PCDH17: variants seen among roughly 807,000 people sequenced by gnomAD.
PCDH17 encodes the protein protocadherin-17.
In PCDH17, 21 loss-of-function variants were observed where a neutral mutation model predicts 67.7. The observed-to-expected ratio is 0.31, with a 90% CI of 0.22 to 0.45. PCDH17 has a LOEUF of 0.45. Ranked by LOEUF, PCDH17 falls within the 20% of genes least tolerant of loss-of-function variation. The probability of loss-of-function intolerance (pLI) is 1.00; values close to 1 mark genes in which losing one functional copy is unlikely to be tolerated. For synonymous variants in PCDH17, 701 were observed against 656.7 expected (o/e 1.07, Z -1.03); for missense variants, 1,471 against 1,564.8 (o/e 0.94, Z 1.01).
At chr13:57,682,431 G>T (rs1955460150) in intron 3 of PCDH17, among the ~76,000 whole-genome samples, 1 of 151,614 alleles carries the variant, frequency 6.6e-6, no homozygotes, top group African/African-American at 2.4e-5. Flanking sequence ...ATCTGCTTGC[G>T]ATGTAAATCA....
chr13:57,728,970 T>A lies in PCDH17; in HGVS notation c.*3676T>A, dbSNP rs1464352609. ...CAGGTCTGGCATAATATATGCCCAG[T>A]CATAATAGTCTAATTATATTCTTTT... On this transcript the variant is annotated 3_prime_UTR_variant, in exon 4 of 4. Coordinates refer to ENST00000377918, the MANE Select transcript of PCDH17 (RefSeq NM_001040429.3). 4.6e-5 allele frequency: 7 copies of A among 152,322 alleles called. No homozygotes were observed. The highest frequency in any genetic ancestry group is 1.7e-4 in the African/African-American group (7 of 41,446). The allele number at this position is 152,322 out of a possible 1,614,324, so 9.4% of individuals were successfully genotyped here.
intron 3 of PCDH17, among the ~76,000 whole-genome samples, chr13:57,679,678 TTTTC>T (rs1326442629): frequency 2.6e-5 from 4 of 151,584 alleles, no homozygotes; most frequent in Non-Finnish European, 5.9e-5. Context: ...TTCTGAATCA[TTTTC>T]TTTCTAATTT....
In PCDH17 at chr13:57,633,758, C is replaced by T. The variant is rs768753789; in HGVS notation, c.1212C>T (p.Gly404=). Residue 404 remains glycine, a synonymous_variant, in exon 1 of 4, where the codon GGC becomes GGT. Coordinates refer to ENST00000377918, the MANE Select transcript of PCDH17 (RefSeq NM_001040429.3). This position sits in a 1 kb window ranked among gnomAD's most constrained non-coding sequence, Gnocchi z 6.2. ...GGGTGGGGGL[G]GPGGSVPFKL... The stretch of plus-strand genomic sequence containing the variant: ...GGACGGGCGGCGGCGGGGGCCTGGG[C>T]GGGCCCGGGGGTTCCGTCCCCTTCA... The T allele has an allele frequency of 1.4e-6, 2 of 1,391,314 alleles. No homozygotes were observed. The highest frequency in any genetic ancestry group is 1.7e-5 in the Admixed American group (1 of 57,184). 86.2% of individuals were successfully genotyped at this position (1,391,314 alleles called of 1,614,324 possible).
At chr13:57,674,137 C>G (rs1195378660) in intron 3 of PCDH17, among the ~76,000 whole-genome samples, 2 of 151,904 alleles carry the variant, frequency 1.3e-5, no homozygotes, top group Non-Finnish European at 2.9e-5. Flanking sequence ...ACTACGGACT[C>G]ATGTGATTTT....
intron 1 of PCDH17, among the ~76,000 whole-genome samples, chr13:57,651,387 G>C (rs915197729): frequency 3.4e-5 from 5 of 145,896 alleles, no homozygotes; most frequent in African/African-American, 1.3e-4. Flanking sequence ...TTTGAGACCG[G>C]GTCTCACTTT....
intron 3 of PCDH17, among the ~76,000 whole-genome samples, chr13:57,690,232 G>A (rs777849473): frequency 4.0e-5 from 6 of 151,522 alleles, no homozygotes; most frequent in Admixed American, 2.6e-4. Flanking sequence ...TATTCATGCT[G>A]GGTTTTTACT....
At chr13:57,681,313 T>G (rs771805288) in intron 3 of PCDH17, among the ~76,000 whole-genome samples, 89 of 151,958 alleles carry the variant, frequency 5.9e-4, no homozygotes, top group Non-Finnish European at 2.1e-4. Flanking sequence ...ATGTTACTTT[T>G]AAAAGGTGAG....
chr13:57,633,033 G>A lies in PCDH17; in HGVS notation c.487G>A (p.Glu163Lys). 6.2e-7 allele frequency: 1 copy of A among 1,612,886 alleles called. No homozygotes were observed. Among genetic ancestry groups the A allele is most frequent in the Non-Finnish European group, 8.5e-7 (1 of 1,179,928 alleles). Residue 163 changes from glutamate (E) to lysine (K), a missense_variant, in exon 1 of 4, where the codon GAG becomes AAG. By Grantham distance (56) the Glu-to-Lys change is moderately conservative. Transcript: ENST00000377918. The surrounding 1 kb of genome is among the most constrained non-coding windows in gnomAD (Gnocchi z 6.2). ...LTSAHDPDAG[E>K]NGLRTYLLTR... is the part of the protein sequence containing the mutation. ...CAGCGCACATGACCCCGACGCCGGC[G>A]AGAATGGGCTCCGCACCTACCTGCT... is the stretch of plus-strand genomic sequence containing the variant.
chr13:57,640,488 T>C (rs2137982019), intron 1 of PCDH17, among the ~76,000 whole-genome samples: 1 of 152,168 alleles, frequency 6.6e-6, no homozygotes, highest in South Asian at 2.1e-4. Context: ...TTCAAAAGTA[T>C]TTCTTCTCTA....
At chr13:57,643,384 T>C (rs1022629938) in intron 1 of PCDH17, among the ~76,000 whole-genome samples, 2 of 151,706 alleles carry the variant, frequency 1.3e-5, no homozygotes, top group Admixed American at 6.6e-5. Flanking sequence ...CAAACTTGAA[T>C]AAGTGCTTAA....
intron 3 of PCDH17, among the ~76,000 whole-genome samples, chr13:57,714,468 C>T (rs1162784577): frequency 6.6e-6 from 1 of 151,578 alleles, no homozygotes; most frequent in Non-Finnish European, 1.5e-5. Context: ...TCCATGTCAT[C>T]AAAAATGGTG....
chr13:57,635,388 A>T (rs1954809535), intron 1 of PCDH17, among the ~76,000 whole-genome samples: 1 of 152,198 alleles, frequency 6.6e-6, no homozygotes, highest in South Asian at 2.1e-4. Context: ...GTTCAATAAT[A>T]ATAGCTTATT....
chr13:57,698,902 T>TA (rs1259747790), intron 3 of PCDH17, among the ~76,000 whole-genome samples: 3 of 151,950 alleles, frequency 2.0e-5, no homozygotes, highest in African/African-American at 7.2e-5. Context: ...TTAGCTATTT[T>TA]ATGTCAAAAA....
At chr13:57,722,383 T>A (rs139142898) in intron 3 of PCDH17, among the ~76,000 whole-genome samples, 3 of 152,306 alleles carry the variant, frequency 2.0e-5, no homozygotes, top group Middle Eastern at 3.4e-3. Flanking sequence ...AATTTCATGA[T>A]GCTAGAAGAT....
chr13:57,632,337 G>A lies in PCDH17; in HGVS notation c.-210G>A. 1 of 596,072 alleles carries A rather than the reference G, an allele frequency of 1.7e-6. No individual in the cohort carries two copies. The highest frequency in any genetic ancestry group is 3.0e-6 in the Non-Finnish European group (1 of 338,264). The allele number at this position is 596,072 out of a possible 1,614,324, so 36.9% of individuals were successfully genotyped here. ...GCTGCACCGCAGCTTCTCACCCAGT[G>A]CGGATGCTGTAGATCAACAGGTTCA... On this transcript the variant is annotated 5_prime_UTR_variant, in exon 1 of 4. Transcript: ENST00000377918.
chr13:57,643,526 T>C (rs1013605503), intron 1 of PCDH17, among the ~76,000 whole-genome samples: 14 of 151,586 alleles, frequency 9.2e-5, no homozygotes, highest in Non-Finnish European at 3.0e-5. Flanking sequence ...TCTATTATAA[T>C]AGTGTCTTCT....
rs956890100 is a variant in PCDH17, at chr13:57,725,661, A to G, written c.*367A>G. On this transcript the variant is annotated 3_prime_UTR_variant, in exon 4 of 4. Coordinates refer to ENST00000377918, the MANE Select transcript of PCDH17 (RefSeq NM_001040429.3). ...CTGAAGTATTTCTGATCACTCTCAGACTGTCCTCCGTGATTTATGCTGACT... is the reference window on the plus strand; with the variant it reads ...CTGAAGTATTTCTGATCACTCTCAGGCTGTCCTCCGTGATTTATGCTGACT... 1 of 181,328 alleles carries G rather than the reference A, an allele frequency of 5.5e-6. No individual in the cohort carries two copies. Among genetic ancestry groups the G allele is most frequent in the African/African-American group, 2.4e-5 (1 of 42,140 alleles). 11.2% of individuals were successfully genotyped at this position (181,328 alleles called of 1,614,324 possible). A position where few individuals can be genotyped will look rare whatever the true frequency, so the allele number is the denominator to read the frequency against.
At chr13:57,657,169 T>C (rs186299679) in intron 1 of PCDH17, among the ~76,000 whole-genome samples, 1 of 152,146 alleles carries the variant, frequency 6.6e-6, no homozygotes, top group Non-Finnish European at 1.5e-5. Flanking sequence ...TCTTAATATA[T>C]ACCCAGATTA....
At position 57,717,661 on chromosome 13, in the gene PCDH17, G is replaced by A. The variant is rs116000969; in HGVS notation, c.2798-6951G>A. ...ACATTCAAAAGCATTGTGCGATGCA[G>A]GTGCATGCTAGAGGATTGGTACTTC... On this transcript the variant is annotated intron_variant, in intron 3 of 3. Transcript: ENST00000377918. Among the ~76,000 whole-genome samples, 481 of 152,108 alleles carry A rather than the reference G, an allele frequency of 3.2e-3. 1 individual carries two copies. Among genetic ancestry groups the A allele is most frequent in the African/African-American group, 9.4e-3 (389 of 41,528 alleles).
Sources: gnomAD v4.1 joint callset for allele counts (sites outside exome capture counted in the v4.1 genomes callset) on GRCh38, gnomAD v4.1.1 for gene constraint, Gnocchi (gnomAD v3.1) non-coding constraint, MANE v1.5 for transcripts, NCBI Gene and HGNC (gene_info 2026-07-23, HGNC 2026-07-21) for gene names.